CDC73: variants seen among roughly 807,000 people sequenced by gnomAD.
CDC73 encodes the protein parafibromin.
In CDC73, 21 loss-of-function variants were observed where a neutral mutation model predicts 83.7. The ratio of observed to expected loss-of-function variants is 0.25; its 90% CI spans 0.18 to 0.36. CDC73 has a LOEUF of 0.36. CDC73 is among the 10% of genes least tolerant of loss of function. CDC73 has a pLI of 1.00. For missense variants in CDC73, 342 were observed against 653.3 expected (o/e 0.52, Z 5.19); for synonymous variants, 224 against 212.9 (o/e 1.05, Z -0.45).
At chr1:193,194,957 T>C (rs925175545) in intron 10 of CDC73, among the ~76,000 whole-genome samples, 6 of 152,136 alleles carry the variant, frequency 3.9e-5, no homozygotes, top group African/African-American at 7.2e-5. Context: ...CATATAGATT[T>C]AGTATATTAG....
chr1:193,202,651 A>G (rs1677112716), intron 10 of CDC73, among the ~76,000 whole-genome samples: 1 of 127,252 alleles, frequency 7.9e-6, no homozygotes, highest in Non-Finnish European at 1.6e-5. Context: ...AGTTTTTGCT[A>G]CCTACCTGCT....
rs1678049618 is a variant in CDC73 at position 193,251,893 on chromosome 1, T to G, written c.*1181T>G. 1 of 231,428 alleles carries G rather than the reference T, an allele frequency of 4.3e-6. No homozygotes were observed. The highest frequency in any genetic ancestry group is 5.7e-5 in the Admixed American group (1 of 17,674). The allele number at this position is 231,428 out of a possible 1,614,324, so 14.3% of individuals were successfully genotyped here. On this transcript the variant is annotated 3_prime_UTR_variant, in exon 17 of 17. Transcript: ENST00000367435. ...ACTAGGAAGCTTTACTTTCCTAAAG[T>G]GTTTTTGCCATTGGAATTTTTGCTG...
intron 10 of CDC73, among the ~76,000 whole-genome samples, chr1:193,189,293 T>TTAC (rs992413937): frequency 7.2e-5 from 11 of 152,124 alleles, no homozygotes; most frequent in African/African-American, 2.2e-4. Flanking sequence ...GTTAAGAACT[T>TTAC]TACGTAAAGT....
At chr1:193,232,965 A>G (rs1677686760) in intron 13 of CDC73, 28 bp from the exon 14 acceptor site, 1 of 1,595,878 alleles carries the variant, frequency 6.3e-7, no homozygotes. Context: ...GAATACATTG[A>G]CTTTTTCTCA....
intron 10 of CDC73, chr1:193,186,720 G>A (rs761586514): frequency 1.9e-4 from 29 of 152,100 alleles, no homozygotes; most frequent in Non-Finnish European, 3.8e-4. Flanking sequence ...AAGGTAGGGA[G>A]AAGCTTAGAG....
chr1:193,170,337 T>G (rs1164468478), intron 10 of CDC73, among the ~76,000 whole-genome samples: 1 of 152,206 alleles, frequency 6.6e-6, no homozygotes, highest in African/African-American at 2.4e-5. Context: ...GGTTCAGTGG[T>G]ATTTCTCTCT....
At chr1:193,173,544 G>A (rs1276915117) in intron 10 of CDC73, among the ~76,000 whole-genome samples, 2 of 152,040 alleles carry the variant, frequency 1.3e-5, no homozygotes, top group Admixed American at 6.5e-5. Context: ...TTACAGTTTC[G>A]ATTTCCTGAA....
intron 10 of CDC73, among the ~76,000 whole-genome samples, chr1:193,190,409 T>G (rs1189041942): frequency 1.3e-5 from 2 of 152,234 alleles, no homozygotes; most frequent in Non-Finnish European, 2.9e-5. Context: ...TTCCCCTTTT[T>G]GAAGAGAAGT....
chr1:193,173,129 T>A (rs1045757138), intron 10 of CDC73, among the ~76,000 whole-genome samples: 1 of 152,206 alleles, frequency 6.6e-6, no homozygotes, highest in African/African-American at 2.4e-5. Context: ...GTTCTCTGGT[T>A]TGCTCTCTGC....
chr1:193,206,391 C>T (rs986563931), intron 11 of CDC73, among the ~76,000 whole-genome samples: 7 of 152,166 alleles, frequency 4.6e-5, no homozygotes, highest in African/African-American at 1.4e-4. Flanking sequence ...TCCACATTTC[C>T]TACCCATCAT....
At chr1:193,234,150 TTCTCTCTC>T (rs1301715434) in intron 14 of CDC73, among the ~76,000 whole-genome samples, 1 of 107,444 alleles carries the variant, frequency 9.3e-6, no homozygotes, top group African/African-American at 3.8e-5. Flanking sequence ...GGTAGGATAA[TTCTCTCTC>T]TCTCTCTCTC....
At chr1:193,151,378 A>T (rs12750800) in intron 9 of CDC73, among the ~76,000 whole-genome samples, 18 of 152,196 alleles carry the variant, frequency 1.2e-4, no homozygotes, top group Admixed American at 1.0e-3. Context: ...TTTCTTGAGG[A>T]ATGAATTATA....
intron 2 of CDC73, chr1:193,127,891 A>G (rs1355952572): frequency 2.8e-5 from 4 of 145,210 alleles, no homozygotes; most frequent in South Asian, 2.1e-4. Flanking sequence ...CCTGGGTTCA[A>G]GGGATTCTCC....
chr1:193,135,745 C>G (rs947450548), intron 5 of CDC73, among the ~76,000 whole-genome samples, 156 bp downstream of exon 5: 6 of 152,106 alleles, frequency 3.9e-5, no homozygotes, highest in Admixed American at 3.9e-4. Context: ...GTAGCTCAAG[C>G]TATAGTTTTA....
At chr1:193,197,452 CAT>C (rs1249210280) in intron 10 of CDC73, among the ~76,000 whole-genome samples, 1 of 152,140 alleles carries the variant, frequency 6.6e-6, no homozygotes, top group Admixed American at 6.5e-5. Context: ...GACAGAAACA[CAT>C]ATGCATATTG....
At chr1:193,243,849 C>T (rs768797403) in intron 15 of CDC73, among the ~76,000 whole-genome samples, 77 of 151,916 alleles carry the variant, frequency 5.1e-4, no homozygotes, top group Non-Finnish European at 7.2e-4. Context: ...GTTTATTTTT[C>T]TGGGCACAAA....
intron 10 of CDC73, chr1:193,179,048 A>G (rs972690998): frequency 6.6e-6 from 1 of 152,190 alleles, no homozygotes; most frequent in Non-Finnish European, 1.5e-5. Context: ...CACTCAGTAA[A>G]GTTTTTTGTT....
chr1:193,250,755 T>C lies in CDC73; in HGVS notation c.*43T>C. 3.3e-6 allele frequency: 5 copies of C among 1,514,464 alleles called. No homozygotes were observed. The highest frequency in any genetic ancestry group is 4.6e-6 in the Non-Finnish European group (5 of 1,090,196). 93.8% of individuals were successfully genotyped at this position (1,514,464 alleles called of 1,614,324 possible). Reference sequence around the variant, plus strand: ...TTTCTGGAAATTGAGACTCAAGCTTTATGAATTTATCAAGAACTTAAAAAT... The same window carrying C: ...TTTCTGGAAATTGAGACTCAAGCTTCATGAATTTATCAAGAACTTAAAAAT... On this transcript the variant is annotated 3_prime_UTR_variant, in exon 17 of 17. Transcript: ENST00000367435.
chr1:193,161,545 CTT>C (rs1186306061), intron 10 of CDC73, among the ~76,000 whole-genome samples: 2 of 131,414 alleles, frequency 1.5e-5, no homozygotes, highest in Non-Finnish European at 3.1e-5. Flanking sequence ...GTCAATTTAA[CTT>C]TATTTATACA....
Sources: allele counts gnomAD v4.1 joint callset (sites outside exome capture counted in the v4.1 genomes callset), GRCh38; gene constraint gnomAD v4.1.1; transcripts MANE v1.5; gene names NCBI Gene and HGNC (gene_info 2026-07-23, HGNC 2026-07-21).